The following PDE4D variants were observed in gnomAD, a reference collection of about 807,000 sequenced individuals.
PDE4D encodes the protein 3',5'-cyclic-AMP phosphodiesterase 4D.
A neutral mutation model predicts 87.4 loss-of-function variants in PDE4D; 24 were observed. The observed-to-expected ratio is 0.27, with a 90% CI of 0.20 to 0.39. The LOEUF is 0.39. Ranked by LOEUF, PDE4D falls within the 10% of genes least tolerant of loss-of-function variation. The pLI is 1.00. For synonymous variants in PDE4D, 384 were observed against 383.2 expected (o/e 1.00, Z -0.02); for missense variants, 714 against 1,041.0 (o/e 0.69, Z 4.32).
chr5:60,419,598 T>C (rs1354317462), intron 1 of PDE4D, among the ~76,000 whole-genome samples: 2 of 151,876 alleles, frequency 1.3e-5, no homozygotes, highest in African/African-American at 4.8e-5. Context: ...AATAAATACA[T>C]TCCCTGATCA....
chr5:59,556,175 A>C (rs1818880803), intron 1 of PDE4D, among the ~76,000 whole-genome samples: 1 of 152,202 alleles, frequency 6.6e-6, no homozygotes, highest in East Asian at 1.9e-4. Flanking sequence ...TTCTCTTGAG[A>C]GGCAGTGAGT....
chr5:59,860,507 A>T (rs896704364), intron 1 of PDE4D, among the ~76,000 whole-genome samples: 1 of 152,218 alleles, frequency 6.6e-6, no homozygotes, highest in Non-Finnish European at 1.5e-5. Context: ...GTAATAATTT[A>T]GTGACAACAT....
At chr5:59,085,651 A>G (rs1186691731) in intron 5 of PDE4D, among the ~76,000 whole-genome samples, 1 of 152,216 alleles carries the variant, frequency 6.6e-6, no homozygotes, top group Non-Finnish European at 1.5e-5. Context: ...AGGCACGGCA[A>G]AATGTGCGGA....
At chr5:60,355,214 C>G (rs998731766) in intron 1 of PDE4D, among the ~76,000 whole-genome samples, 1 of 152,094 alleles carries the variant, frequency 6.6e-6, no homozygotes, top group African/African-American at 2.4e-5. Context: ...GAGACCAAAC[C>G]TAAGGAAGGT....
chr5:59,028,084 TG>T (rs1756577976), intron 6 of PDE4D, among the ~76,000 whole-genome samples: 1 of 152,164 alleles, frequency 6.6e-6, no homozygotes, highest in Admixed American at 6.5e-5. Flanking sequence ...TGAAAAACAC[TG>T]GCTAGACTAT....
intron 1 of PDE4D, among the ~76,000 whole-genome samples, chr5:59,735,921 G>A (rs542623991): frequency 6.6e-6 from 1 of 151,824 alleles, no homozygotes; most frequent in Admixed American, 6.6e-5. Context: ...CATCTGCCTC[G>A]GCCTCCCAAA....
intron 1 of PDE4D, among the ~76,000 whole-genome samples, chr5:60,514,521 T>A (rs1750708173): frequency 6.6e-6 from 1 of 152,090 alleles, no homozygotes. Flanking sequence ...TGGAGACTAA[T>A]ACAGTTGGTT....
chr5:59,829,872 TG>T (rs1013930135), intron 1 of PDE4D, among the ~76,000 whole-genome samples: 6 of 151,976 alleles, frequency 3.9e-5, no homozygotes, highest in Non-Finnish European at 5.9e-5. Context: ...CGGATGTATG[TG>T]CAATTGGAAT....
At chr5:60,042,505 T>C (rs1054313213) in intron 2 of PDE4D, among the ~76,000 whole-genome samples, 4 of 152,174 alleles carry the variant, frequency 2.6e-5, no homozygotes, top group Non-Finnish European at 4.4e-5. Context: ...GACTGGGAGA[T>C]ACTTCCCAGC....
chr5:60,192,639 T>C (rs1426624232), intron 1 of PDE4D, among the ~76,000 whole-genome samples: 2 of 152,202 alleles, frequency 1.3e-5, no homozygotes, highest in African/African-American at 4.8e-5. Flanking sequence ...TGTTATAATA[T>C]TAAGTGAAAA....
At chr5:60,361,861 A>G (rs904731342) in intron 1 of PDE4D, among the ~76,000 whole-genome samples, 1 of 152,180 alleles carries the variant, frequency 6.6e-6, no homozygotes, top group African/African-American at 2.4e-5. Flanking sequence ...CGCACATCTT[A>G]GTCCACAGTA....
intron 1 of PDE4D, among the ~76,000 whole-genome samples, chr5:60,277,868 C>A (rs986496287): frequency 6.6e-6 from 1 of 152,058 alleles, no homozygotes; most frequent in Non-Finnish European, 1.5e-5. Context: ...TCCCTTTAAC[C>A]CTCCACACTT....
chr5:60,173,539 TGATGGCTGTAACA>T (rs1783661495), intron 2 of PDE4D, among the ~76,000 whole-genome samples: 1 of 151,950 alleles, frequency 6.6e-6, no homozygotes, highest in African/African-American at 2.4e-5. Context: ...GAATTATGAA[TGATGGCTGTAACA>T]GAAATTACAC....
At chr5:59,112,376 G>T (rs1211887041) in intron 5 of PDE4D, among the ~76,000 whole-genome samples, 1 of 152,204 alleles carries the variant, frequency 6.6e-6, no homozygotes, top group Non-Finnish European at 1.5e-5. Flanking sequence ...GGGAGCCATT[G>T]CAAGGTTATG....
intron 1 of PDE4D, among the ~76,000 whole-genome samples, chr5:60,199,337 A>G (rs1741635944): frequency 6.6e-6 from 1 of 151,796 alleles, no homozygotes; most frequent in Non-Finnish European, 1.5e-5. Context: ...AGAGCTTGGT[A>G]TCTGTAACTG....
At chr5:58,995,994 TGGATGAA>T (rs140503071) in intron 6 of PDE4D, among the ~76,000 whole-genome samples, 19,803 of 152,068 alleles carry the variant, frequency 0.13, 1,670 homozygotes, top group Non-Finnish European at 0.19. Flanking sequence ...TGCAGGGACA[TGGATGAA>T]GCTGGAAACC....
At chr5:59,219,273 G>A (rs1581441396) in intron 1 of PDE4D, among the ~76,000 whole-genome samples, 1 of 151,820 alleles carries the variant, frequency 6.6e-6, no homozygotes, top group Admixed American at 6.6e-5. Flanking sequence ...AGTACTTATT[G>A]TGTTGGAGTA....
At chr5:60,395,095 A>G (rs949636244) in intron 1 of PDE4D, among the ~76,000 whole-genome samples, 2 of 152,150 alleles carry the variant, frequency 1.3e-5, no homozygotes, top group African/African-American at 2.4e-5. Flanking sequence ...GCTCCATCTT[A>G]ATGTACAGGT....
chr5:59,208,496 C>T (rs1749329737), intron 2 of PDE4D, among the ~76,000 whole-genome samples: 1 of 152,172 alleles, frequency 6.6e-6, no homozygotes, highest in African/African-American at 2.4e-5. Context: ...AGAGCACTGG[C>T]AATGATACTT....
Sources: allele counts gnomAD v4.1 joint callset (sites outside exome capture counted in the v4.1 genomes callset), GRCh38; gene constraint gnomAD v4.1.1; transcripts MANE v1.5; gene names NCBI Gene and HGNC (gene_info 2026-07-23, HGNC 2026-07-21).